PIAS1: variants seen among roughly 807,000 people sequenced by gnomAD.
The protein encoded by PIAS1 is E3 SUMO-protein ligase PIAS1.
In PIAS1, 6 loss-of-function variants were observed where a neutral mutation model predicts 71.3. The ratio of observed to expected loss-of-function variants is 0.08; its 90% CI spans 0.05 to 0.17. The LOEUF is 0.17. Ranked by LOEUF, PIAS1 falls within the 10% of genes least tolerant of loss-of-function variation. The pLI, the probability that PIAS1 is intolerant of heterozygous loss-of-function variation, is 1.00. For synonymous variants in PIAS1, 303 were observed against 292.9 expected, an observed-to-expected ratio of 1.03 and a Z score of -0.35; for missense variants, 555 against 793.6, an observed-to-expected ratio of 0.70 and a Z score of 3.61.
chr15:68,102,399 T>C (rs568082391), intron 2 of PIAS1, among the ~76,000 whole-genome samples: 1 of 152,210 alleles, frequency 6.6e-6, no homozygotes, highest in African/African-American at 2.4e-5. Context: ...GTAGAGTAAT[T>C]GCTTTTACTT....
At chr15:68,140,985 G>A (rs1170551007) in intron 2 of PIAS1, among the ~76,000 whole-genome samples, 2 of 152,014 alleles carry the variant, frequency 1.3e-5, no homozygotes, top group African/African-American at 4.8e-5. Flanking sequence ...AGCACTGAGG[G>A]CTCATTAGTG....
At chr15:68,127,566 CT>C (rs71455579) in intron 2 of PIAS1, among the ~76,000 whole-genome samples, 72,363 of 151,904 alleles carry the variant, frequency 0.48, 18,076 homozygotes, top group Middle Eastern at 0.57. Context: ...AGTTTCTACA[CT>C]TTTTGTTGCC....
At chr15:68,116,042 A>G (rs759703869) in intron 2 of PIAS1, among the ~76,000 whole-genome samples, 1 of 152,092 alleles carries the variant, frequency 6.6e-6, no homozygotes. Context: ...TACTGGCTTC[A>G]TAGAATGAGT....
chr15:68,188,012 G>A lies in PIAS1; in HGVS notation c.*177G>A, dbSNP rs1188764598. The A allele has an allele frequency of 6.3e-6, 3 of 479,674 alleles. No individual in the cohort carries two copies. The highest frequency in any genetic ancestry group is 1.9e-5 in the African/African-American group (1 of 51,614). 29.7% of individuals were successfully genotyped at this position (479,674 alleles called of 1,614,324 possible). A position where few individuals can be genotyped will look rare whatever the true frequency, so the allele number is the denominator to read the frequency against. ...TACAGAGAACAAAACTATATTTTCAGTTTTACTTTTGTATATAAATCTAAG... is the reference window on the plus strand; with the variant it reads ...TACAGAGAACAAAACTATATTTTCAATTTTACTTTTGTATATAAATCTAAG... On this transcript the variant is annotated 3_prime_UTR_variant, in exon 14 of 14. Transcript: ENST00000249636.
intron 2 of PIAS1, among the ~76,000 whole-genome samples, chr15:68,088,176 G>GTGTATATATATA (rs150997979): frequency 2.4e-3 from 173 of 72,990 alleles, no homozygotes; most frequent in African/African-American, 5.3e-3. Context: ...TTATGTGTGT[G>GTGTATATATATA]TATATATATA....
intron 3 of PIAS1, 114 bp downstream of exon 3, chr15:68,142,144 G>C: frequency 1.1e-6 from 1 of 934,274 alleles, no homozygotes; most frequent in South Asian, 1.4e-5. Context: ...GCAAATATTA[G>C]TAATGAAAGT....
intron 13 of PIAS1, among the ~76,000 whole-genome samples, chr15:68,183,881 G>C (rs1272462916): frequency 2.0e-5 from 3 of 152,072 alleles, no homozygotes; most frequent in Non-Finnish European, 2.9e-5. Flanking sequence ...ACAAACCTAT[G>C]CTGTCAGTCA....
At chr15:68,141,890 T>C in intron 2 of PIAS1, 56 bp from the exon 3 acceptor site, 1 of 1,127,168 alleles carries the variant, frequency 8.9e-7, no homozygotes, top group Non-Finnish European at 1.3e-6. Flanking sequence ...TTTTTTGCTT[T>C]TGTCTTTACT....
intron 1 of PIAS1, among the ~76,000 whole-genome samples, chr15:68,073,785 G>A (rs368555818): frequency 8.5e-5 from 13 of 152,294 alleles, no homozygotes; most frequent in South Asian, 8.3e-4. Context: ...AAAAGTTTAA[G>A]CACAAGCGTG....
Position 68,153,582 on chromosome 15 carries a change from T to A in PIAS1, c.829-8T>A. ...TGTTGTTTGTTTTCTACTTCTTTTTTTTTCCAGAACTATTCCATGGCAGTA... is the reference window on the plus strand; with the variant it reads ...TGTTGTTTGTTTTCTACTTCTTTTTATTTCCAGAACTATTCCATGGCAGTA... On this transcript the variant is annotated splice_polypyrimidine_tract_variant and splice_region_variant and intron_variant, in intron 6 of 13. Coordinates refer to ENST00000249636, the MANE Select transcript of PIAS1 (RefSeq NM_016166.3). The A allele has an allele frequency of 7.5e-7, 1 of 1,335,376 alleles. No homozygotes were observed. The highest frequency in any genetic ancestry group is 1.1e-6 in the Non-Finnish European group (1 of 940,938). 82.7% of individuals were successfully genotyped at this position (1,335,376 alleles called of 1,614,324 possible).
Position 68,166,335 on chromosome 15 carries a change from G to GT in PIAS1, c.1008+1538dup, listed in dbSNP as rs757663855. Among the ~76,000 whole-genome samples the GT allele has an allele frequency of 3.3e-5, 5 of 151,044 alleles. No individual in the cohort carries two copies. The South Asian group carries it at 1.0e-3, about 32-fold the overall frequency. Reference sequence around the variant, plus strand: ...ACTGGTGTGGGTTTTTGTGTGTGTGGTTTTTTTGTTTTTTTATTTTTTTTT... The same window carrying GT: ...ACTGGTGTGGGTTTTTGTGTGTGTGGTTTTTTTTGTTTTTTTATTTTTTTTT... On this transcript the variant is annotated intron_variant, in intron 8 of 13. Transcript: ENST00000249636.
At chr15:68,094,401 G>A (rs955039229) in intron 2 of PIAS1, among the ~76,000 whole-genome samples, 2 of 151,590 alleles carry the variant, frequency 1.3e-5, no homozygotes, top group African/African-American at 4.8e-5. Context: ...TATAAACTTG[G>A]GTTTTGCTCT....
chr15:68,084,668 C>G (rs144562666), intron 1 of PIAS1, among the ~76,000 whole-genome samples: 2 of 152,042 alleles, frequency 1.3e-5, no homozygotes, highest in Admixed American at 6.6e-5. Flanking sequence ...TTTATTTGTT[C>G]GTTCATTCAT....
At chr15:68,108,420 T>G (rs2092491400) in intron 2 of PIAS1, among the ~76,000 whole-genome samples, 1 of 152,158 alleles carries the variant, frequency 6.6e-6, no homozygotes, top group African/African-American at 2.4e-5. Flanking sequence ...TCTCTTGATT[T>G]TCCTCCTATC....
rs1451863327 is a variant in PIAS1, at chr15:68,167,783, G to A, written c.1008+2979G>A. On this transcript the variant is annotated intron_variant, in intron 8 of 13. Transcript: ENST00000249636. This position sits in a 1 kb window ranked among gnomAD's most constrained non-coding sequence, Gnocchi z 4.4. ...TACAGTGGCCAGATCTTGGCTCACTGCAACCTCCACCTCCCAGGTTCAAGC... is the reference window on the plus strand; with the variant it reads ...TACAGTGGCCAGATCTTGGCTCACTACAACCTCCACCTCCCAGGTTCAAGC... 6.6e-6 allele frequency among the ~76,000 whole-genome samples: 1 copy of A among 152,142 alleles called. No homozygotes were observed. The highest frequency in any genetic ancestry group is 1.5e-5 in the Non-Finnish European group (1 of 68,030).
intron 2 of PIAS1, among the ~76,000 whole-genome samples, chr15:68,106,390 A>T (rs2092470357): frequency 6.6e-6 from 1 of 151,460 alleles, no homozygotes; most frequent in Non-Finnish European, 1.5e-5. Flanking sequence ...CAAAAGAAAC[A>T]CAAACAAAAA....
intron 2 of PIAS1, among the ~76,000 whole-genome samples, chr15:68,120,223 A>G (rs2092602113): frequency 6.6e-6 from 1 of 151,908 alleles, no homozygotes; most frequent in East Asian, 1.9e-4. Flanking sequence ...TGGATTTCTT[A>G]AAAACAGGTT....
chr15:68,143,074 C>CAT lies in PIAS1; in HGVS notation c.602+750_602+751dup, dbSNP rs915923618. ...CCCTTATATATCTCCCTTTTATATA[C>CAT]ATATATATATATATCTCCCTTATAT... On this transcript the variant is annotated intron_variant, in intron 4 of 13. Transcript: ENST00000249636. Among the ~76,000 whole-genome samples, 762 of 150,716 alleles carry CAT rather than the reference C, an allele frequency of 5.1e-3. 5 individuals carry two copies. The highest frequency in any genetic ancestry group is 0.014 in the African/African-American group (593 of 41,168).
At chr15:68,108,112 C>T (rs1056295331) in intron 2 of PIAS1, among the ~76,000 whole-genome samples, 1 of 152,170 alleles carries the variant, frequency 6.6e-6, no homozygotes, top group Non-Finnish European at 1.5e-5. Context: ...TCTTGACTCT[C>T]CATTTCTCTT....
Sources: gnomAD v4.1 joint callset for allele counts (sites outside exome capture counted in the v4.1 genomes callset) on GRCh38, gnomAD v4.1.1 for gene constraint, Gnocchi (gnomAD v3.1) non-coding constraint, MANE v1.5 for transcripts, NCBI Gene and HGNC (gene_info 2026-07-23, HGNC 2026-07-21) for gene names.